Variants in VIT observed in about 807,000 individuals in gnomAD.
VIT encodes vitrin.
Under a neutral mutation model 78.0 loss-of-function variants are expected in VIT, and 99 were observed. The ratio of observed to expected loss-of-function variants is 1.27; its 90% CI spans 1.08 to 1.50. The LOEUF (loss-of-function observed/expected upper bound fraction) is 1.50. Among genes scored for constraint, VIT ranks in the 40% most tolerant of loss-of-function variants. The pLI, the probability that VIT is intolerant of heterozygous loss-of-function variation, is 0.00. For missense variants in VIT, 1,126 were observed against 875.3 expected (o/e 1.29, Z -3.61); for synonymous variants, 374 against 334.3 (o/e 1.12, Z -1.29).
rs1271467747 is a variant in VIT at position 36,716,299 on chromosome 2, C to A, written c.-18-54C>A. 4.6e-6 allele frequency: 7 copies of A among 1,507,186 alleles called. No homozygotes were observed. The African/African-American group carries it at 9.6e-5, about 21-fold the overall frequency. The allele number at this position is 1,507,186 out of a possible 1,614,324, so 93.4% of individuals were successfully genotyped here. On this transcript the variant is annotated intron_variant, in intron 1 of 15. Coordinates refer to ENST00000379242, the MANE Select transcript of VIT (RefSeq NM_053276.4). ...TCTATCCCCACACACTCTGTGCATCCAAATCAGAACCCCCGGCTGAAATAT... is the reference window on the plus strand; with the variant it reads ...TCTATCCCCACACACTCTGTGCATCAAAATCAGAACCCCCGGCTGAAATAT...
intron 7 of VIT, among the ~76,000 whole-genome samples, chr2:36,770,887 G>A (rs942840649): frequency 9.9e-5 from 15 of 152,198 alleles, no homozygotes; most frequent in African/African-American, 3.4e-4. Flanking sequence ...GGAGAAGAGC[G>A]CCGCCTAGTG....
intron 15 of VIT, among the ~76,000 whole-genome samples, chr2:36,812,514 G>C (rs879545471): frequency 6.6e-6 from 1 of 151,976 alleles, no homozygotes; most frequent in Non-Finnish European, 1.5e-5. Context: ...TTCCCACTAA[G>C]ATTGGATGCC....
intron 1 of VIT, among the ~76,000 whole-genome samples, chr2:36,710,307 G>A (rs999072780): frequency 9.9e-5 from 15 of 152,110 alleles, no homozygotes; most frequent in Non-Finnish European, 1.5e-4. Flanking sequence ...ACTCCTTCCC[G>A]TCTCTGATCA....
At chr2:36,779,393 A>C (rs895157264) in intron 9 of VIT, among the ~76,000 whole-genome samples, 1 of 152,256 alleles carries the variant, frequency 6.6e-6, no homozygotes, top group Non-Finnish European at 1.5e-5. Flanking sequence ...CAAGCTCTCC[A>C]TAAACACCAA....
intron 3 of VIT, among the ~76,000 whole-genome samples, chr2:36,737,005 C>G (rs907058766): frequency 1.3e-5 from 2 of 151,990 alleles, no homozygotes; most frequent in Non-Finnish European, 2.9e-5. Flanking sequence ...CATGAAGATC[C>G]AATTAGTGCT....
chr2:36,809,920 G>T (rs978689878), intron 15 of VIT, among the ~76,000 whole-genome samples: 1 of 148,038 alleles, frequency 6.8e-6, no homozygotes, highest in Non-Finnish European at 1.5e-5. Flanking sequence ...GAGCCCTGGA[G>T]TTGGAGGCTG....
chr2:36,701,173 A>C (rs1665033730), intron 1 of VIT, among the ~76,000 whole-genome samples: 1 of 152,022 alleles, frequency 6.6e-6, no homozygotes, highest in Middle Eastern at 3.4e-3. Flanking sequence ...GCGTGGAGGC[A>C]AGGAACTCAC....
intron 12 of VIT, among the ~76,000 whole-genome samples, chr2:36,794,289 T>C (rs1665707779): frequency 6.6e-6 from 1 of 151,850 alleles, no homozygotes; most frequent in Non-Finnish European, 1.5e-5. Flanking sequence ...ACCTCTATGT[T>C]TTCTTCTCTT....
intron 4 of VIT, among the ~76,000 whole-genome samples, chr2:36,747,804 T>C (rs1382947925): frequency 1.3e-5 from 2 of 152,216 alleles, no homozygotes; most frequent in Non-Finnish European, 2.9e-5. Context: ...TGTTGTCAGC[T>C]GGTTGTTTTG....
At chr2:36,759,589 G>A (rs550671160) in intron 6 of VIT, 3 of 1,050,756 alleles carry the variant, frequency 2.9e-6, no homozygotes, top group Admixed American at 1.0e-4. Context: ...CCAGGTTTCT[G>A]TGTTAAATCA....
intron 1 of VIT, among the ~76,000 whole-genome samples, chr2:36,697,366 C>T (rs1274977685): frequency 3.9e-5 from 6 of 152,160 alleles, no homozygotes; most frequent in Non-Finnish European, 8.8e-5. Context: ...TAGCAAATTG[C>T]TTATAAAGAT....
intron 14 of VIT, among the ~76,000 whole-genome samples, chr2:36,807,972 A>G (rs1666851995): frequency 6.6e-6 from 1 of 152,202 alleles, no homozygotes; most frequent in South Asian, 2.1e-4. Context: ...GACCCCTAAC[A>G]TGTGGTCATT....
intron 6 of VIT, among the ~76,000 whole-genome samples, chr2:36,760,496 C>A (rs746211353): frequency 6.6e-6 from 1 of 152,190 alleles, no homozygotes; most frequent in Non-Finnish European, 1.5e-5. Flanking sequence ...CACCTCCACC[C>A]GTGAACTGGC....
At chr2:36,733,554 T>G (rs1336685843) in intron 3 of VIT, among the ~76,000 whole-genome samples, 9 of 137,148 alleles carry the variant, frequency 6.6e-5, no homozygotes, top group Admixed American at 5.9e-4. Context: ...TAGCAATATT[T>G]GAAGATATGA....
chr2:36,736,746 G>C (rs1192682843), intron 3 of VIT, among the ~76,000 whole-genome samples: 1 of 152,216 alleles, frequency 6.6e-6, no homozygotes, highest in South Asian at 2.1e-4. Flanking sequence ...ACACTCAGAA[G>C]TAGGTTAGAG....
chr2:36,751,495 A>G (rs918601184), intron 4 of VIT, among the ~76,000 whole-genome samples: 1 of 152,186 alleles, frequency 6.6e-6, no homozygotes, highest in Admixed American at 6.5e-5. Flanking sequence ...TGACATAAGA[A>G]CTGGGGAGTC....
chr2:36,698,657 A>C (rs1664822343), intron 1 of VIT, among the ~76,000 whole-genome samples: 1 of 152,174 alleles, frequency 6.6e-6, no homozygotes, highest in South Asian at 2.1e-4. Context: ...TAGCAATGTA[A>C]TCTTGGCCTG....
At chr2:36,798,493 A>C (rs1269638441) in intron 12 of VIT, among the ~76,000 whole-genome samples, 1 of 152,248 alleles carries the variant, frequency 6.6e-6, no homozygotes, top group African/African-American at 2.4e-5. Flanking sequence ...ACAGTGGCTC[A>C]TGCCTGTAAT....
intron 2 of VIT, among the ~76,000 whole-genome samples, chr2:36,725,977 A>G (rs1233977634): frequency 7.9e-5 from 12 of 151,984 alleles, no homozygotes; most frequent in Admixed American, 7.9e-4. Flanking sequence ...AAGCTGGGTC[A>G]GGAGAATCGC....
Sources: allele counts gnomAD v4.1 joint callset (sites outside exome capture counted in the v4.1 genomes callset), GRCh38; gene constraint gnomAD v4.1.1; transcripts MANE v1.5; gene names NCBI Gene and HGNC (gene_info 2026-07-23, HGNC 2026-07-21).